Variants in BSN observed in about 807,000 individuals in gnomAD.
BSN encodes bassoon presynaptic cytomatrix protein, also known as protein bassoon.
Under a neutral mutation model 264.8 loss-of-function variants are expected in BSN, and 57 were observed. The ratio of observed to expected loss-of-function variants is 0.22; its 90% CI spans 0.17 to 0.27. The LOEUF is 0.27. Ranked by LOEUF, BSN falls within the 10% of genes least tolerant of loss-of-function variation. BSN has a pLI of 1.00. For synonymous variants in BSN, 2,059 were observed against 2,137.3 expected (o/e 0.96, Z 1.01); for missense variants, 4,615 against 5,232.5 (o/e 0.88, Z 3.64).
At chr3:49,643,475 TC>T (rs2052482867) in intron 3 of BSN, among the ~76,000 whole-genome samples, 1 of 151,982 alleles carries the variant, frequency 6.6e-6, no homozygotes, top group Non-Finnish European at 1.5e-5. Flanking sequence ...GACACCAACC[TC>T]CCCTGCTCAG....
chr3:49,662,453 C>T lies in BSN; in HGVS notation c.10608C>T (p.Ser3536=). 2.5e-6 allele frequency: 4 copies of T among 1,613,768 alleles called. No homozygotes were observed. Among genetic ancestry groups the T allele is most frequent in the Non-Finnish European group, 3.4e-6 (4 of 1,180,040 alleles). The change falls in exon 6 of 12, where the codon TCC becomes TCT. Residue 3536 remains serine, a synonymous_variant. Transcript: ENST00000296452. ...DTCPQFCSSH[S]MPDVQEHVKD... is the part of the protein sequence containing the mutation. ...GCCCACAGTTCTGCTCCAGCCACTC[C>T]ATGCCTGATGTCCAGGAACATGTCA...
intron 1 of BSN, among the ~76,000 whole-genome samples, chr3:49,564,305 T>C (rs1042676587): frequency 3.3e-5 from 5 of 152,190 alleles, no homozygotes; most frequent in African/African-American, 1.2e-4. Flanking sequence ...TCCAGCCTCA[T>C]GCTGGGCATC....
At chr3:49,616,842 C>A (rs893646974) in intron 1 of BSN, among the ~76,000 whole-genome samples, 1 of 152,172 alleles carries the variant, frequency 6.6e-6, no homozygotes, top group Non-Finnish European at 1.5e-5. Context: ...GGGAGCCCAG[C>A]CTCTCACCAG....
intron 1 of BSN, among the ~76,000 whole-genome samples, chr3:49,613,443 A>C (rs1238531077): frequency 6.6e-6 from 1 of 151,614 alleles, no homozygotes; most frequent in Non-Finnish European, 1.5e-5. Flanking sequence ...GAAAGTGTAA[A>C]CCCAGAATTT....
chr3:49,572,272 CTT>C (rs2051802783), intron 1 of BSN, among the ~76,000 whole-genome samples: 1 of 152,096 alleles, frequency 6.6e-6, no homozygotes, highest in African/African-American at 2.4e-5. Flanking sequence ...CTTAAAAAGT[CTT>C]TTGTTTGGGA....
At chr3:49,555,122 GC>G (rs1182469530) in intron 1 of BSN, among the ~76,000 whole-genome samples, 1 of 152,192 alleles carries the variant, frequency 6.6e-6, no homozygotes, top group East Asian at 1.9e-4. Context: ...CTCAGGAGGG[GC>G]TTATGTAACC....
At chr3:49,672,672 G>A (rs1036053960), downstream of BSN, among the ~76,000 whole-genome samples, 2 of 151,498 alleles carry the variant, frequency 1.3e-5, no homozygotes, top group East Asian at 1.9e-4. Context: ...GTAGAGACAG[G>A]GTTTCTCCAT....
Position 49,655,608 on chromosome 3 carries a change from T to C in BSN, c.6052T>C (p.Ser2018Pro). 1.2e-6 allele frequency: 2 copies of C among 1,613,646 alleles called. No homozygotes were observed. The highest frequency in any genetic ancestry group is 1.7e-6 in the Non-Finnish European group (2 of 1,179,998). Residue 2018 changes from serine (S) to proline (P), a missense_variant, in exon 5 of 12, where the codon TCA becomes CCA. By Grantham distance (74) the Ser-to-Pro change is moderately conservative. Coordinates refer to ENST00000296452, the MANE Select transcript of BSN (RefSeq NM_003458.4). ...PGRDSAMDLS[S>P]LKHSYSLGFA... ...ACGAGACTCGGCTATGGACCTCAGCTCACTGAAGCACTCCTACAGCCTGGG... is the reference window on the plus strand; with the variant it reads ...ACGAGACTCGGCTATGGACCTCAGCCCACTGAAGCACTCCTACAGCCTGGG...
intron 1 of BSN, among the ~76,000 whole-genome samples, chr3:49,601,896 G>A (rs74506627): frequency 3.9e-5 from 6 of 152,266 alleles, no homozygotes; most frequent in Non-Finnish European, 5.9e-5. Context: ...TTGCTTTTGC[G>A]TGGTCCCCAG....
At position 49,663,453 on chromosome 3, in the gene BSN, G is replaced by C. The variant is rs1458041581; in HGVS notation, c.11295G>C (p.Arg3765Ser). 1 of 1,612,954 alleles carries C rather than the reference G, an allele frequency of 6.2e-7. No individual in the cohort carries two copies. The change falls in exon 7 of 12, where the codon AGG (arginine) becomes AGC (serine). Residue 3765 changes from arginine to serine, a missense_variant. Physicochemically the swap from Arg to Ser is moderately radical, Grantham distance 110. Transcript: ENST00000296452. ...GPQQSQSPSS[R>S]QIPSGAASRQ... is the part of the protein sequence containing the mutation. Reference sequence around the variant, plus strand: ...AGCAGTCACAGTCACCATCATCCAGGCAAATACCCTCTGGGGCAGCATCAC... The same window carrying C: ...AGCAGTCACAGTCACCATCATCCAGCCAAATACCCTCTGGGGCAGCATCAC...
intron 1 of BSN, among the ~76,000 whole-genome samples, chr3:49,557,220 C>T (rs1052679090): frequency 7.9e-5 from 12 of 152,122 alleles, no homozygotes; most frequent in Non-Finnish European, 1.5e-4. Context: ...TGGCCATGTA[C>T]AATTATATAA....
chr3:49,621,145 G>C (rs2052302676), intron 1 of BSN, among the ~76,000 whole-genome samples: 1 of 152,210 alleles, frequency 6.6e-6, no homozygotes, highest in Admixed American at 6.5e-5. Context: ...CAGGGGCTCA[G>C]CTTGGGTGTA....
At chr3:49,613,301 A>C (rs1559605402) in intron 1 of BSN, among the ~76,000 whole-genome samples, 1 of 136,396 alleles carries the variant, frequency 7.3e-6, no homozygotes, top group Non-Finnish European at 1.6e-5. Context: ...ACACACACAG[A>C]GCGAGAGAGA....
At chr3:49,558,929 T>C (rs2051693274) in intron 1 of BSN, among the ~76,000 whole-genome samples, 1 of 152,108 alleles carries the variant, frequency 6.6e-6, no homozygotes, top group Non-Finnish European at 1.5e-5. Context: ...TTTTGTTTGT[T>C]TGTTTTTTGT....
chr3:49,661,013 C>CGAA lies in BSN; in HGVS notation c.9168_9169insGAA (p.Phe3056_Gln3057insGlu). The CGAA allele has an allele frequency of 6.2e-7, 1 of 1,611,176 alleles. No individual in the cohort carries two copies. Among genetic ancestry groups the CGAA allele is most frequent in the Non-Finnish European group, 8.5e-7 (1 of 1,179,858 alleles). On this transcript the variant is annotated inframe_insertion, in exon 6 of 12. Coordinates refer to ENST00000296452, the MANE Select transcript of BSN (RefSeq NM_003458.4). ...CCACTGCCTTCCAGCAGCCCCGCTT[C>CGAA]CAGCCTCCAGCCCCACAGTATTCTG...
At position 49,654,248 on chromosome 3, in the gene BSN, C is replaced by T. The variant is rs370182929; in HGVS notation, c.4692C>T (p.Asp1564=). The change falls in exon 5 of 12, where the codon GAC becomes GAT. Residue 1564 remains aspartate, a synonymous_variant. Transcript: ENST00000296452. This position sits in a 1 kb window ranked among gnomAD's most constrained non-coding sequence, Gnocchi z 4.1. The part of the protein sequence containing the change: ...APFMVITLAS[D]ASSQTRMVHA... ...TTATGGTCATCACGCTGGCATCTGA[C>T]GCCTCCAGCCAGACCAGGATGGTAC... The T allele has an allele frequency of 2.0e-5, 33 of 1,612,930 alleles. No individual in the cohort carries two copies. The highest frequency in any genetic ancestry group is 8.9e-5 in the East Asian group (4 of 44,888).
chr3:49,623,313 A>G (rs1357065883), intron 1 of BSN, among the ~76,000 whole-genome samples: 1 of 152,240 alleles, frequency 6.6e-6, no homozygotes, highest in African/African-American at 2.4e-5. Flanking sequence ...CCTGAGTGCC[A>G]GCATTCACCC....
intron 1 of BSN, among the ~76,000 whole-genome samples, chr3:49,581,381 A>G (rs1219417507): frequency 6.6e-6 from 1 of 152,186 alleles, no homozygotes; most frequent in Non-Finnish European, 1.5e-5. Context: ...TTAGTTACCC[A>G]CGGTATGGTA....
chr3:49,624,921 G>T (rs2052331002), intron 1 of BSN, 54 bp from the exon 2 acceptor site: 7 of 1,457,828 alleles, frequency 4.8e-6, no homozygotes, highest in Non-Finnish European at 4.5e-6. Context: ...AGAGACCTCC[G>T]CAAGCTGCTT....
Sources: allele counts gnomAD v4.1 joint callset (sites outside exome capture counted in the v4.1 genomes callset), GRCh38; gene constraint gnomAD v4.1.1; non-coding constraint Gnocchi (gnomAD v3.1); transcripts MANE v1.5; gene names NCBI Gene and HGNC (gene_info 2026-07-23, HGNC 2026-07-21).